The following RNF2 variants were observed in gnomAD, a reference collection of about 807,000 sequenced individuals.
RNF2 encodes E3 ubiquitin-protein ligase RING2.
RNF2 carries 6 observed loss-of-function variants against 37.2 expected under a neutral mutation model. The ratio of observed to expected loss-of-function variants is 0.16; its 90% CI spans 0.09 to 0.32. The LOEUF (loss-of-function observed/expected upper bound fraction) is 0.32, where lower values mean the gene tolerates loss of function less well. Ranked by LOEUF, RNF2 falls within the 10% of genes least tolerant of loss-of-function variation. The pLI, the probability that RNF2 is intolerant of heterozygous loss-of-function variation, is 1.00. For synonymous variants in RNF2, 133 were observed against 132.7 expected, an observed-to-expected ratio of 1.00 and a Z score of -0.02; for missense variants, 251 against 404.0, an observed-to-expected ratio of 0.62 and a Z score of 3.25.
intron 1 of RNF2, among the ~76,000 whole-genome samples, chr1:185,059,562 C>T (rs190874656): frequency 3.9e-5 from 6 of 152,252 alleles, no homozygotes; most frequent in South Asian, 4.1e-4. Flanking sequence ...TTATATTTAA[C>T]GACTGGAAAA....
At chr1:185,096,040 T>C (rs1400232130) in intron 4 of RNF2, among the ~76,000 whole-genome samples, 4 of 152,196 alleles carry the variant, frequency 2.6e-5, no homozygotes, top group African/African-American at 9.6e-5. Context: ...TACATTAATA[T>C]AGCTCTGTCA....
At chr1:185,058,066 C>T (rs1345297236) in intron 1 of RNF2, among the ~76,000 whole-genome samples, 1 of 152,176 alleles carries the variant, frequency 6.6e-6, no homozygotes, top group African/African-American at 2.4e-5. Flanking sequence ...GTTGAGGCTG[C>T]AGTGAGCCTT....
At chr1:185,082,347 T>C (rs1031347854) in intron 1 of RNF2, among the ~76,000 whole-genome samples, 1 of 33,112 alleles carries the variant, frequency 3.0e-5, no homozygotes, top group Admixed American at 2.9e-4. Flanking sequence ...CTGCAGAACT[T>C]TTTTTTTTTT....
chr1:185,096,724 A>G (rs1651923032), intron 4 of RNF2, among the ~76,000 whole-genome samples: 1 of 151,912 alleles, frequency 6.6e-6, no homozygotes, highest in African/African-American at 2.4e-5. Flanking sequence ...CCTTTTTAGG[A>G]CTGAATAATC....
chr1:185,080,128 C>A (rs1045711036), intron 1 of RNF2, among the ~76,000 whole-genome samples: 1 of 152,174 alleles, frequency 6.6e-6, no homozygotes, highest in Admixed American at 6.5e-5. Flanking sequence ...TCTTTGCTGG[C>A]TTCCACTCTA....
At chr1:185,087,108 T>TA in intron 1 of RNF2, among the ~76,000 whole-genome samples, 1 of 152,364 alleles carries the variant, frequency 6.6e-6, no homozygotes, top group South Asian at 2.1e-4. Flanking sequence ...TTGTTTTTTT[T>TA]ATTCTCAAGA....
rs77430484 is a variant in RNF2, at chr1:185,059,670, C to G, written c.-3+14021C>G. ...TTTGGTTGGGGGCTAAGAGCATGGCCTTCTCACTCAGACCTGGGTTTGAGT... is the reference window on the plus strand; with the variant it reads ...TTTGGTTGGGGGCTAAGAGCATGGCGTTCTCACTCAGACCTGGGTTTGAGT... On this transcript the variant is annotated intron_variant, in intron 1 of 6. Coordinates refer to ENST00000367510, the MANE Select transcript of RNF2 (RefSeq NM_007212.4). Among the ~76,000 whole-genome samples the G allele has an allele frequency of 1.2e-3, 188 of 152,254 alleles. 2 individuals are homozygous for G. In the East Asian group the frequency reaches 0.033, roughly 27 times the overall value.
chr1:185,069,448 A>G (rs1486732036), intron 1 of RNF2, among the ~76,000 whole-genome samples: 1 of 146,538 alleles, frequency 6.8e-6, no homozygotes, highest in East Asian at 2.1e-4. Context: ...TAAGAGTGAG[A>G]CCCTGTCTAA....
intron 1 of RNF2, among the ~76,000 whole-genome samples, chr1:185,053,871 A>C (rs1007427869): frequency 1.3e-5 from 2 of 151,984 alleles, no homozygotes; most frequent in African/African-American, 4.8e-5. Context: ...TCTGCTTTTT[A>C]AACTTAATGT....
chr1:185,075,108 C>A (rs760643796), intron 1 of RNF2, among the ~76,000 whole-genome samples: 40 of 152,132 alleles, frequency 2.6e-4, no homozygotes, highest in Non-Finnish European at 4.4e-4. Context: ...CATTCTCCTG[C>A]CTTAGCCTCC....
At chr1:185,074,662 A>G (rs1212119079) in intron 1 of RNF2, among the ~76,000 whole-genome samples, 1 of 152,202 alleles carries the variant, frequency 6.6e-6, no homozygotes, top group Non-Finnish European at 1.5e-5. Context: ...TCAACCAACT[A>G]CAGATTGAAA....
chr1:185,089,416 C>G (rs1651701730), intron 2 of RNF2, among the ~76,000 whole-genome samples: 2 of 152,130 alleles, frequency 1.3e-5, no homozygotes, highest in African/African-American at 2.4e-5. Context: ...ATTTTGATAT[C>G]TGTGGAAGTT....
At chr1:185,080,107 A>G (rs865869109) in intron 1 of RNF2, among the ~76,000 whole-genome samples, 46 of 152,100 alleles carry the variant, frequency 3.0e-4, no homozygotes, top group Middle Eastern at 3.4e-3. Context: ...GTGGCACCTC[A>G]CTTCGTATCT....
intron 1 of RNF2, chr1:185,046,085 C>G (rs2102144967): frequency 6.6e-6 from 1 of 151,974 alleles, no homozygotes; most frequent in South Asian, 2.1e-4. Context: ...GGGCTTTCGC[C>G]TCGCAGCTAG....
intron 1 of RNF2, among the ~76,000 whole-genome samples, chr1:185,057,595 T>G (rs1650471004): frequency 6.6e-6 from 1 of 152,186 alleles, no homozygotes; most frequent in Admixed American, 6.5e-5. Context: ...TAGCTTGTTG[T>G]GCAGTAGAGC....
intron 1 of RNF2, among the ~76,000 whole-genome samples, chr1:185,062,820 CA>C (rs761305869): frequency 2.7e-5 from 4 of 148,328 alleles, no homozygotes; most frequent in Non-Finnish European, 5.9e-5. Context: ...TCCCCCCCCC[CA>C]AAAAAAGGCC....
intron 1 of RNF2, among the ~76,000 whole-genome samples, chr1:185,061,326 A>C (rs201726589): frequency 6.6e-6 from 1 of 151,562 alleles, no homozygotes; most frequent in African/African-American, 2.4e-5. Context: ...ACGGGGTTTC[A>C]CCATGTTAGC....
intron 1 of RNF2, among the ~76,000 whole-genome samples, chr1:185,066,372 T>A (rs1214133269): frequency 6.6e-6 from 1 of 152,212 alleles, no homozygotes. Flanking sequence ...TGAGTGTACC[T>A]TTCCTTATTA....
chr1:185,092,359 T>C (rs912449414), intron 3 of RNF2, among the ~76,000 whole-genome samples: 3 of 151,886 alleles, frequency 2.0e-5, no homozygotes, highest in African/African-American at 7.3e-5. Context: ...GTATTTTTAG[T>C]AGAGGGGGGC....
Sources: allele counts gnomAD v4.1 joint callset (sites outside exome capture counted in the v4.1 genomes callset), GRCh38; gene constraint gnomAD v4.1.1; transcripts MANE v1.5; gene names NCBI Gene and HGNC (gene_info 2026-07-23, HGNC 2026-07-21).